Variants in CRLF3 observed in about 807,000 individuals in gnomAD.
CRLF3 encodes the protein cytokine receptor like factor 3.
CRLF3 carries 33 observed loss-of-function variants against 55.0 expected under a neutral mutation model. The observed-to-expected ratio is 0.60, with a 90% CI of 0.46 to 0.80. The LOEUF is 0.80. Among genes scored for constraint, CRLF3 ranks in the 30% least tolerant of loss-of-function variants. CRLF3 has a pLI of 0.00. For missense variants in CRLF3, 494 were observed against 538.4 expected (o/e 0.92, Z 0.82); for synonymous variants, 238 against 196.8 (o/e 1.21, Z -1.75).
intron 6 of CRLF3, chr17:30,786,796 G>C (rs1567657050): frequency 6.6e-6 from 1 of 152,624 alleles, no homozygotes; most frequent in Non-Finnish European, 1.5e-5. Flanking sequence ...TGCCTCCCTG[G>C]TTCAAGCGAT....
rs200013016 is a variant in CRLF3, at chr17:30,784,288, T to C, written c.1228A>G (p.Asn410Asp). 403 of 1,614,068 alleles carry C rather than the reference T, an allele frequency of 2.5e-4. 7 individuals carry two copies. The South Asian group carries it at 4.2e-3, about 17-fold the overall frequency. ...AACCAGTCAAAAACCACTTCTCTAT[T>C]ATTTGAACTTATAGTTACTCGAAGC... Reference protein sequence around the residue: ...FKLRVTISSNNREVVFDWLLD... With the variant: ...FKLRVTISSNDREVVFDWLLD... The change falls in exon 8 of 8, where the codon AAT becomes GAT. Residue 410 changes from asparagine to aspartate, a missense_variant. Coordinates refer to ENST00000324238, the MANE Select transcript of CRLF3 (RefSeq NM_015986.4).
At chr17:30,816,615 G>A (rs780456332) in intron 1 of CRLF3, among the ~76,000 whole-genome samples, 3 of 150,450 alleles carry the variant, frequency 2.0e-5, no homozygotes, top group Non-Finnish European at 3.0e-5. Flanking sequence ...TTTGCCTCCC[G>A]AGTAGCTGGG....
At chr17:30,795,793 A>G (rs1971907292) in intron 4 of CRLF3, among the ~76,000 whole-genome samples, 1 of 152,000 alleles carries the variant, frequency 6.6e-6, no homozygotes, top group African/African-American at 2.4e-5. Flanking sequence ...AAAATTAGGC[A>G]GGTGTGATGG....
intron 1 of CRLF3, among the ~76,000 whole-genome samples, chr17:30,815,519 A>C (rs933733249): frequency 6.9e-6 from 1 of 145,586 alleles, no homozygotes; most frequent in African/African-American, 2.6e-5. Context: ...ACCCTGCCCG[A>C]CCAGAAAATG....
Position 30,797,286 on chromosome 17 carries a change from G to T in CRLF3, c.425+25C>A. On this transcript the variant is annotated intron_variant, in intron 3 of 7. Transcript: ENST00000324238. ...ACATAGTTTAAATGCTTAAAAGTAA[G>T]TCAAAAAGGCACAAACTCTTTTACC... The T allele has an allele frequency of 1.9e-6, 3 of 1,544,652 alleles. No individual in the cohort carries two copies. In the South Asian group the frequency reaches 3.3e-5, roughly 17 times the overall value.
At chr17:30,806,585 GAT>G (rs1272958166) in intron 1 of CRLF3, among the ~76,000 whole-genome samples, 2 of 152,102 alleles carry the variant, frequency 1.3e-5, no homozygotes, top group African/African-American at 4.8e-5. Context: ...TATTCTAGGG[GAT>G]ATGACAGGAA....
At chr17:30,805,654 C>T (rs929241662) in intron 1 of CRLF3, among the ~76,000 whole-genome samples, 1 of 147,132 alleles carries the variant, frequency 6.8e-6, no homozygotes, top group African/African-American at 2.5e-5. Flanking sequence ...GCGAAGGTTC[C>T]AGTGAACTGA....
intron 4 of CRLF3, among the ~76,000 whole-genome samples, chr17:30,794,320 G>A (rs2142253587): frequency 6.6e-6 from 1 of 152,128 alleles, no homozygotes; most frequent in East Asian, 1.9e-4. Flanking sequence ...ACAGTATACA[G>A]AACCCCCATT....
intron 1 of CRLF3, among the ~76,000 whole-genome samples, chr17:30,805,894 A>G (rs191170058): frequency 9.2e-5 from 14 of 152,178 alleles, no homozygotes; most frequent in African/African-American, 3.1e-4. Flanking sequence ...ATGGTGGCAC[A>G]TGCCTGTAGT....
chr17:30,821,789 G>C (rs1033733085), intron 1 of CRLF3, among the ~76,000 whole-genome samples: 1 of 152,100 alleles, frequency 6.6e-6, no homozygotes, highest in Non-Finnish European at 1.5e-5. Flanking sequence ...CAGCTAAGGA[G>C]TTCTTTTGGG....
intron 1 of CRLF3, among the ~76,000 whole-genome samples, chr17:30,811,803 CAAAAA>C (rs915710879): frequency 3.6e-5 from 1 of 27,752 alleles, no homozygotes; most frequent in Non-Finnish European, 6.2e-5. Context: ...GACTCTGTCT[CAAAAA>C]AAAAAAAAAA....
intron 1 of CRLF3, among the ~76,000 whole-genome samples, chr17:30,822,094 T>C (rs1301789543): frequency 6.8e-6 from 1 of 146,692 alleles, no homozygotes; most frequent in Non-Finnish European, 1.5e-5. Context: ...AAAGAAATCA[T>C]CTGCCAAAAA....
intron 1 of CRLF3, among the ~76,000 whole-genome samples, chr17:30,804,699 A>G (rs1012625163): frequency 1.3e-5 from 2 of 152,164 alleles, no homozygotes; most frequent in Non-Finnish European, 2.9e-5. Context: ...CATTGTATAT[A>G]TACATCTTCC....
intron 1 of CRLF3, among the ~76,000 whole-genome samples, chr17:30,806,198 A>T (rs575461660): frequency 5.3e-5 from 8 of 152,314 alleles, no homozygotes; most frequent in African/African-American, 1.4e-4. Context: ...CTCTTTGTCA[A>T]TCTAAATGAG....
chr17:30,788,607 T>A (rs982004917), intron 6 of CRLF3, among the ~76,000 whole-genome samples: 3 of 135,360 alleles, frequency 2.2e-5, no homozygotes, highest in South Asian at 5.0e-4. Flanking sequence ...TTCTTTTTTT[T>A]TTTTTTTTTT....
chr17:30,794,137 CTTCTT>C (rs762681833), intron 4 of CRLF3, among the ~76,000 whole-genome samples: 21 of 152,088 alleles, frequency 1.4e-4, no homozygotes, highest in Admixed American at 5.9e-4. Flanking sequence ...CCTGGGCTCC[CTTCTT>C]TTCTTTATTG....
intron 2 of CRLF3, among the ~76,000 whole-genome samples, chr17:30,798,700 A>G (rs569232838): frequency 6.6e-6 from 1 of 151,788 alleles, no homozygotes; most frequent in Admixed American, 6.6e-5. Context: ...GTAGCTGGGC[A>G]TAGTGGCACG....
At chr17:30,809,231 A>G (rs1002848283) in intron 1 of CRLF3, among the ~76,000 whole-genome samples, 5 of 152,194 alleles carry the variant, frequency 3.3e-5, no homozygotes, top group African/African-American at 1.2e-4. Context: ...ATGAGACTCA[A>G]TTTCCAAATT....
At chr17:30,798,272 G>A (rs890244618) in intron 2 of CRLF3, among the ~76,000 whole-genome samples, 10 of 152,082 alleles carry the variant, frequency 6.6e-5, no homozygotes, top group African/African-American at 2.4e-4. Flanking sequence ...CAGCTACTAG[G>A]GAGGCTGAGG....
Sources: allele counts gnomAD v4.1 joint callset (sites outside exome capture counted in the v4.1 genomes callset), GRCh38; gene constraint gnomAD v4.1.1; transcripts MANE v1.5; gene names NCBI Gene and HGNC (gene_info 2026-07-23, HGNC 2026-07-21).